CNTNAP4: variants seen among roughly 807,000 people sequenced by gnomAD.
CNTNAP4 encodes contactin associated protein family member 4.
Under a neutral mutation model 148.4 loss-of-function variants are expected in CNTNAP4, and 98 were observed. The observed-to-expected ratio is 0.66, with a 90% confidence interval of 0.56 to 0.78. CNTNAP4 has a LOEUF of 0.78. Ranked by LOEUF, CNTNAP4 falls within the 30% of genes least tolerant of loss-of-function variation. CNTNAP4 has a pLI of 0.00. For synonymous variants in CNTNAP4, 730 were observed against 565.1 expected, an observed-to-expected ratio of 1.29 and a Z score of -4.14; for missense variants, 1,935 against 1,565.6, an observed-to-expected ratio of 1.24 and a Z score of -3.98.
intron 2 of CNTNAP4, among the ~76,000 whole-genome samples, chr16:76,321,787 C>CAA (rs5817984): frequency 1.1e-3 from 120 of 105,398 alleles, no homozygotes; most frequent in Non-Finnish European, 1.9e-3. Flanking sequence ...GACTCAGTCT[C>CAA]AAAAAAAAAA....
intron 12 of CNTNAP4, among the ~76,000 whole-genome samples, chr16:76,485,797 A>ATGTATGT (rs2082005862): frequency 6.6e-6 from 1 of 152,224 alleles, no homozygotes; most frequent in African/African-American, 2.4e-5. Context: ...AGGCCTTCTT[A>ATGTATGT]ACAGCTATGA....
Position 76,522,119 on chromosome 16 carries a change from G to T in CNTNAP4, c.2617G>T (p.Asp873Tyr). 1 of 1,613,898 alleles carries T rather than the reference G, an allele frequency of 6.2e-7. No homozygotes were observed. The highest frequency in any genetic ancestry group is 8.5e-7 in the Non-Finnish European group (1 of 1,179,868). ...ISVQSPTHFN[D>Y]NQWHHVRVER... ...AGTGCAGTCACCCACCCACTTCAAC[G>T]ACAACCAGTGGCACCATGTGAGGGT... is the stretch of plus-strand genomic sequence containing the variant. Residue 873 changes from aspartate (D) to tyrosine (Y), a missense_variant, in exon 17 of 24, where the codon GAC (aspartate) becomes TAC (tyrosine). Physicochemically the swap from Asp to Tyr is radical, Grantham distance 160 (BLOSUM62 -3). Transcript: ENST00000611870.
At position 76,560,278 on chromosome 16, in the gene CNTNAP4, C is replaced by A. The variant is rs1056831210; in HGVS notation, c.*1595C>A. 6.6e-6 allele frequency among the ~76,000 whole-genome samples: 1 copy of A among 152,068 alleles called. No individual in the cohort carries two copies. The highest frequency in any genetic ancestry group is 2.4e-5 in the African/African-American group (1 of 41,406). The stretch of plus-strand genomic sequence containing the variant: ...CTATCATCTTATTTTCTATATTTTC[C>A]TTGTTAACTCTTCTTATAAAACCTG... On this transcript the variant is annotated 3_prime_UTR_variant, in exon 24 of 24. Coordinates refer to ENST00000611870, the MANE Select transcript of CNTNAP4 (RefSeq NM_033401.5).
At chr16:76,496,518 G>A (rs1045859064) in intron 14 of CNTNAP4, among the ~76,000 whole-genome samples, 55 of 152,176 alleles carry the variant, frequency 3.6e-4, no homozygotes, top group African/African-American at 1.2e-3. Flanking sequence ...CTTGAAATAA[G>A]CAGAAAGTAA....
intron 3 of CNTNAP4, among the ~76,000 whole-genome samples, chr16:76,404,982 C>T (rs1256850339): frequency 6.6e-6 from 1 of 151,984 alleles, no homozygotes; most frequent in African/African-American, 2.4e-5. Context: ...ACATTGTACC[C>T]CATAAATATG....
Position 76,460,773 on chromosome 16 carries a change from A to AATAAATATATAT in CNTNAP4, c.1334-1180_1334-1179insAATATATATATA, listed in dbSNP as rs1555564518. Among the ~76,000 whole-genome samples, 10 of 57,328 alleles carry AATAAATATATAT rather than the reference A, an allele frequency of 1.7e-4. 2 individuals are homozygous for AATAAATATATAT. Among genetic ancestry groups the AATAAATATATAT allele is most frequent in the African/African-American group, 6.4e-4 (10 of 15,556 alleles). The allele number at this position is 57,328 out of a possible 152,430, so 37.6% of individuals were successfully genotyped here. A position where few individuals can be genotyped will look rare whatever the true frequency, so the allele number is the denominator to read the frequency against. On this transcript the variant is annotated intron_variant, in intron 8 of 23. Coordinates refer to ENST00000611870, the MANE Select transcript of CNTNAP4 (RefSeq NM_033401.5). Reference sequence around the variant, plus strand: ...TGTCTCAAAAAAAAAAAAAAAAAAAAATATATATATATATATATATATTTA... The same window carrying AATAAATATATAT: ...TGTCTCAAAAAAAAAAAAAAAAAAAAATAAATATATATATATATATATATATATATATATTTA...
intron 4 of CNTNAP4, among the ~76,000 whole-genome samples, chr16:76,428,410 C>T (rs1351833345): frequency 1.4e-5 from 2 of 138,770 alleles, no homozygotes; most frequent in African/African-American, 2.5e-5. Context: ...CTGCTCAATT[C>T]ACGACATCGT....
At chr16:76,320,826 G>A (rs531141805) in intron 2 of CNTNAP4, among the ~76,000 whole-genome samples, 19 of 152,266 alleles carry the variant, frequency 1.2e-4, no homozygotes, top group Middle Eastern at 3.4e-3. Flanking sequence ...CCTTGGAAAT[G>A]AGTGATTGCA....
chr16:76,392,935 G>A (rs1597402457), intron 3 of CNTNAP4, among the ~76,000 whole-genome samples: 2 of 152,288 alleles, frequency 1.3e-5, no homozygotes, highest in Middle Eastern at 6.8e-3. Flanking sequence ...ACCTTGCCAT[G>A]CTTTACGCCT....
intron 20 of CNTNAP4, 30 bp downstream of exon 20, chr16:76,539,882 A>C (rs967237006): frequency 6.6e-7 from 1 of 1,510,146 alleles, no homozygotes; most frequent in Non-Finnish European, 8.9e-7. Flanking sequence ...AGAAGCAATC[A>C]TTTTAATGAC....
At chr16:76,358,607 GA>G (rs2144525161) in intron 3 of CNTNAP4, among the ~76,000 whole-genome samples, 1 of 152,284 alleles carries the variant, frequency 6.6e-6, no homozygotes, top group East Asian at 1.9e-4. Context: ...GGACATTGGG[GA>G]TATCCAGAGT....
intron 3 of CNTNAP4, among the ~76,000 whole-genome samples, chr16:76,398,689 C>T (rs115970392): frequency 6.5e-4 from 99 of 152,248 alleles, no homozygotes; most frequent in African/African-American, 2.3e-3. Flanking sequence ...TACGTGAGTT[C>T]CTATATCCCC....
chr16:76,326,672 A>G (rs936449712), intron 2 of CNTNAP4, among the ~76,000 whole-genome samples: 7 of 152,116 alleles, frequency 4.6e-5, no homozygotes, highest in African/African-American at 1.7e-4. Flanking sequence ...GCTGGAAACC[A>G]TCATTCTCAG....
chr16:76,316,982 T>C (rs1961826988), intron 2 of CNTNAP4, among the ~76,000 whole-genome samples: 1 of 152,154 alleles, frequency 6.6e-6, no homozygotes. Flanking sequence ...TTAGGAGTAC[T>C]CAGCCAGGTG....
At chr16:76,293,393 T>C (rs1476028616) in intron 1 of CNTNAP4, among the ~76,000 whole-genome samples, 1 of 152,184 alleles carries the variant, frequency 6.6e-6, no homozygotes, top group African/African-American at 2.4e-5. Context: ...CCTTTAAGCA[T>C]TTGCTCTATC....
At position 76,470,482 on chromosome 16, in the gene CNTNAP4, A is replaced by ATATATATATATATATAT. The variant is rs146482811; in HGVS notation, c.1655+2959_1655+2960insTATATATATATATATAT. 1.2e-3 allele frequency among the ~76,000 whole-genome samples: 120 copies of ATATATATATATATATAT among 96,958 alleles called. 6 individuals are homozygous for ATATATATATATATATAT. Among genetic ancestry groups the ATATATATATATATATAT allele is most frequent in the African/African-American group, 2.8e-3 (59 of 21,112 alleles). The allele number at this position is 96,958 out of a possible 152,430, so 63.6% of individuals were successfully genotyped here. A position where few individuals can be genotyped will look rare whatever the true frequency, so the allele number is the denominator to read the frequency against. On this transcript the variant is annotated intron_variant, in intron 10 of 23. Transcript: ENST00000611870. ...ATAGCAAAACCACGTCTCTACTAAT[A>ATATATATATATATATAT]ATATATATATATATAAAATTAGTCG...
chr16:76,525,168 C>A (rs1396228670), intron 17 of CNTNAP4, among the ~76,000 whole-genome samples: 2 of 151,850 alleles, frequency 1.3e-5, no homozygotes, highest in African/African-American at 4.8e-5. Context: ...TCACACAAAT[C>A]AGAATTTAAG....
intron 1 of CNTNAP4, among the ~76,000 whole-genome samples, chr16:76,304,904 T>C (rs1960328041): frequency 6.6e-6 from 1 of 152,188 alleles, no homozygotes; most frequent in African/African-American, 2.4e-5. Context: ...CTCAATCTCA[T>C]TTCTTGGGAA....
At chr16:76,393,562 CA>C (rs900521480) in intron 3 of CNTNAP4, among the ~76,000 whole-genome samples, 4 of 152,130 alleles carry the variant, frequency 2.6e-5, no homozygotes, top group African/African-American at 7.2e-5. Context: ...TAGAGGCCTG[CA>C]AATGAATGGA....
Sources: gnomAD v4.1 joint callset for allele counts (sites outside exome capture counted in the v4.1 genomes callset) on GRCh38, gnomAD v4.1.1 for gene constraint, MANE v1.5 for transcripts, NCBI Gene and HGNC (gene_info 2026-07-23, HGNC 2026-07-21) for gene names.